SLC9A6: variants seen among roughly 807,000 people sequenced by gnomAD.
SLC9A6 encodes the protein sodium/hydrogen exchanger 6.
In SLC9A6, 6 loss-of-function variants were observed where a neutral mutation model predicts 45.3. That is an observed-to-expected ratio of 0.13 (90% CI 0.07 to 0.26). The LOEUF is 0.26. Ranked by LOEUF, SLC9A6 falls within the 10% of genes least tolerant of loss-of-function variation. The pLI is 1.00. For synonymous variants in SLC9A6, 191 were observed against 187.7 expected (o/e 1.02, Z -0.14); for missense variants, 278 against 503.7 (o/e 0.55, Z 4.29).
chrX:136,035,333 C>T (rs1556621694), intron 16 of SLC9A6, among the ~76,000 whole-genome samples: 1 of 112,164 alleles, frequency 8.9e-6, no homozygotes, highest in Non-Finnish European at 1.9e-5. Flanking sequence ...TGAACATTCT[C>T]TATCCCCCTC....
chrX:136,009,110 A>G (rs782211075), intron 7 of SLC9A6, among the ~76,000 whole-genome samples: 1 of 111,883 alleles, frequency 8.9e-6, no homozygotes, highest in South Asian at 3.7e-4. Context: ...CTGTATTTTC[A>G]TGTTATAATG....
intron 1 of SLC9A6, among the ~76,000 whole-genome samples, chrX:135,979,734 C>G (rs1223885124): frequency 1.2e-4 from 13 of 112,013 alleles, no homozygotes; most frequent in Admixed American, 5.7e-4. Context: ...TTTATAACCT[C>G]CTAACTGGCC....
At chrX:136,000,655 A>T (rs192604098) in intron 6 of SLC9A6, among the ~76,000 whole-genome samples, 1 of 112,156 alleles carries the variant, frequency 8.9e-6, no homozygotes, top group East Asian at 2.8e-4. Flanking sequence ...GAATTATGTA[A>T]GTACTTGCCC....
At chrX:135,982,281 G>A (rs2089289209), upstream of SLC9A6, among the ~76,000 whole-genome samples, 1 of 107,803 alleles carries the variant, frequency 9.3e-6, no homozygotes, top group African/African-American at 3.4e-5. Context: ...AGATAGTACA[G>A]TAGCTGGAGG....
rs1261135104 is a variant in SLC9A6 at position 136,030,126 on chromosome X, C to T, written c.1551-6C>T. On this transcript the variant is annotated splice_polypyrimidine_tract_variant and splice_region_variant and intron_variant, in intron 14 of 17. Transcript: ENST00000630721. ...ATCTCATTTGCTCTTTGTCTTTCTCCTTTAGGGTTGGTGTTGATTCAGACC... is the reference window on the plus strand; with the variant it reads ...ATCTCATTTGCTCTTTGTCTTTCTCTTTTAGGGTTGGTGTTGATTCAGACC... 8.3e-7 allele frequency: 1 copy of T among 1,208,974 alleles called. No individual in the cohort carries two copies. Among genetic ancestry groups the T allele is most frequent in the Non-Finnish European group, 1.1e-6 (1 of 893,976 alleles).
At chrX:135,993,834 C>T (rs2089465003) in intron 2 of SLC9A6, among the ~76,000 whole-genome samples, 1 of 111,102 alleles carries the variant, frequency 9.0e-6, no homozygotes, top group South Asian at 3.8e-4. Flanking sequence ...GAACATTGTG[C>T]ATATTTGAAT....
At chrX:135,993,816 A>G (rs2089464850) in intron 2 of SLC9A6, among the ~76,000 whole-genome samples, 1 of 111,373 alleles carries the variant, frequency 9.0e-6, no homozygotes, top group African/African-American at 3.3e-5. Context: ...TTAGTTTTAC[A>G]GTACCTAGAA....
At chrX:136,041,202 T>A (rs1451402574) in intron 17 of SLC9A6, among the ~76,000 whole-genome samples, 1 of 112,004 alleles carries the variant, frequency 8.9e-6, no homozygotes, top group Admixed American at 9.5e-5. Context: ...TAGGCTCCCC[T>A]GTTAACAAAG....
chrX:136,030,090 T>C (rs1556620920), intron 14 of SLC9A6, 42 bp from the exon 15 acceptor site: 3 of 1,193,023 alleles, frequency 2.5e-6, no homozygotes, highest in African/African-American at 3.5e-5. Context: ...AGACCATTTT[T>C]TGGCTTCAAA....
upstream of SLC9A6, chrX:135,974,014 G>T (rs1224066990): frequency 1.4e-6 from 1 of 708,391 alleles, no homozygotes; most frequent in Non-Finnish European, 1.9e-6. Flanking sequence ...ATGGGGGCAG[G>T]GCCAGTGGCG....
chrX:135,979,922 C>T (rs781812937), intron 1 of SLC9A6, among the ~76,000 whole-genome samples: 5 of 109,984 alleles, frequency 4.5e-5, no homozygotes, highest in Non-Finnish European at 5.7e-5. Context: ...CACACCACCA[C>T]GCCCAGCTAA....
At chrX:136,030,321 A>G (rs911010189) in intron 15 of SLC9A6, 159 bp downstream of exon 15, 17 of 560,851 alleles carry the variant, frequency 3.0e-5, no homozygotes, top group Non-Finnish European at 4.5e-5. Flanking sequence ...TCACTGCTCC[A>G]TAGAGACAAA....
At chrX:136,033,608 T>TCAAACC in intron 16 of SLC9A6, 115 bp downstream of exon 16, 1 of 393,349 alleles carries the variant, frequency 2.5e-6, no homozygotes, top group Non-Finnish European at 4.6e-6. Context: ...AACCTACCTT[T>TCAAACC]CATCTTCCCT....
At chrX:136,040,396 A>C (rs782415452) in intron 17 of SLC9A6, among the ~76,000 whole-genome samples, 1 of 112,452 alleles carries the variant, frequency 8.9e-6, no homozygotes, top group East Asian at 2.8e-4. Context: ...GAAAACAGAT[A>C]TAGAATCGTG....
At chrX:136,024,042 A>G (rs1339905509) in intron 12 of SLC9A6, among the ~76,000 whole-genome samples, 1 of 110,850 alleles carries the variant, frequency 9.0e-6, no homozygotes, top group Non-Finnish European at 1.9e-5. Flanking sequence ...ATGCGCCATC[A>G]TGGCTGGCTG....
At chrX:136,004,238 G>A (rs933155076) in intron 7 of SLC9A6, among the ~76,000 whole-genome samples, 2 of 108,725 alleles carry the variant, frequency 1.8e-5, no homozygotes, top group Non-Finnish European at 3.8e-5. Flanking sequence ...ACGGGCATGT[G>A]CCACCATGCC....
upstream of SLC9A6, among the ~76,000 whole-genome samples, chrX:135,983,123 G>A (rs1186576605): frequency 9.0e-6 from 1 of 111,472 alleles, no homozygotes; most frequent in African/African-American, 3.3e-5. Flanking sequence ...GGGTGGAGGG[G>A]TAATGAGTTT....
At position 135,987,340 on chromosome X, in the gene SLC9A6, C is replaced by T. The variant is rs192107926; in HGVS notation, c.169+1513C>T. On this transcript the variant is annotated intron_variant, in intron 2 of 17. Transcript: ENST00000630721. ...CCTCAACAAACATTTGTTGATAAACCTTCTATGTATTATGCTCAGAAAATA... is the reference window on the plus strand; with the variant it reads ...CCTCAACAAACATTTGTTGATAAACTTTCTATGTATTATGCTCAGAAAATA... Among the ~76,000 whole-genome samples, 4 of 112,191 alleles carry T rather than the reference C, an allele frequency of 3.6e-5. No individual in the cohort carries two copies. The South Asian group carries it at 1.5e-3, about 41-fold the overall frequency.
rs376254654 is a variant in SLC9A6, at chrX:136,010,224, A to ACC, written c.744-209_744-208dup. The ACC allele has an allele frequency of 0.01, 2,251 of 222,919 alleles. 31 individuals carry two copies. The highest frequency in any genetic ancestry group is 0.05 in the African/African-American group (1,372 of 27,254). The allele number at this position is 222,919 out of a possible 1,213,427, so 18.4% of individuals were successfully genotyped here. On this transcript the variant is annotated intron_variant, in intron 7 of 17. Coordinates refer to ENST00000630721, the MANE Select transcript of SLC9A6 (RefSeq NM_001379110.1). ...CATATAGAGGATTTTACAATGTTCT[A>ACC]CCCCCCCCCCGAAATTAACATTTAA...
Sources: gnomAD v4.1 joint callset for allele counts (sites outside exome capture counted in the v4.1 genomes callset) on GRCh38, gnomAD v4.1.1 for gene constraint, MANE v1.5 for transcripts, NCBI Gene and HGNC (gene_info 2026-07-23, HGNC 2026-07-21) for gene names.